The following SSBP3 variants were observed in gnomAD, a reference collection of about 807,000 sequenced individuals.
SSBP3 encodes the protein single stranded DNA binding protein 3.
In SSBP3, 5 loss-of-function variants were observed where a neutral mutation model predicts 69.6. That is an observed-to-expected ratio of 0.07 (90% confidence interval 0.04 to 0.15). The LOEUF (loss-of-function observed/expected upper bound fraction) is 0.15, where lower values mean the gene tolerates loss of function less well. SSBP3 is among the 10% of genes least tolerant of loss of function. SSBP3 has a pLI of 1.00. For synonymous variants in SSBP3, 196 were observed against 193.4 expected (o/e 1.01, Z -0.11); for missense variants, 312 against 534.0 (o/e 0.58, Z 4.10).
intron 5 of SSBP3, among the ~76,000 whole-genome samples, chr1:54,268,580 G>C (rs3766427): frequency 0.14 from 21,141 of 152,278 alleles, 1,594 homozygotes; most frequent in South Asian, 0.25. Context: ...AACCCCAATT[G>C]CCCACTGAGC....
intron 4 of SSBP3, among the ~76,000 whole-genome samples, chr1:54,350,893 T>G (rs542604102): frequency 1.3e-5 from 2 of 152,228 alleles, no homozygotes; most frequent in South Asian, 4.1e-4. Context: ...TGGAGTGCAG[T>G]GGTGCAATCA....
Position 54,258,839 on chromosome 1 carries a change from G to C in SSBP3, c.367-690C>G, listed in dbSNP as rs956454645. On this transcript the variant is annotated intron_variant, in intron 5 of 17. Transcript: ENST00000610401. This position sits in a 1 kb window ranked among gnomAD's most constrained non-coding sequence, Gnocchi z 4.5. ...AGACTCGCACACCGTGAATTCACCT[G>C]CACTTCAAAGCAGCCCTGTGAGGCG... Among the ~76,000 whole-genome samples the C allele has an allele frequency of 6.6e-6, 1 of 152,212 alleles. No homozygotes were observed. Among genetic ancestry groups the C allele is most frequent in the Non-Finnish European group, 1.5e-5 (1 of 68,038 alleles).
At chr1:54,355,757 G>A (rs995163894) in intron 4 of SSBP3, among the ~76,000 whole-genome samples, 1 of 152,138 alleles carries the variant, frequency 6.6e-6, no homozygotes, top group Non-Finnish European at 1.5e-5. Flanking sequence ...CCCTCTTTAC[G>A]TGAGGTGGTG....
intron 14 of SSBP3, among the ~76,000 whole-genome samples, chr1:54,231,118 A>C (rs764941779): frequency 6.6e-6 from 1 of 152,252 alleles, no homozygotes; most frequent in Non-Finnish European, 1.5e-5. Context: ...AGGAAACGTC[A>C]AACTGTTTAA....
At chr1:54,287,586 G>A (rs772459848) in intron 4 of SSBP3, among the ~76,000 whole-genome samples, 9 of 152,160 alleles carry the variant, frequency 5.9e-5, no homozygotes, top group Non-Finnish European at 1.3e-4. Context: ...AAGGAGGGAG[G>A]GAGGGATGCT....
chr1:54,362,076 C>T (rs1646959923), intron 4 of SSBP3, among the ~76,000 whole-genome samples: 1 of 152,204 alleles, frequency 6.6e-6, no homozygotes, highest in Admixed American at 6.5e-5. Context: ...TCATTCCCAG[C>T]CTGCCATCTT....
At chr1:54,408,378 G>C (rs2100846483), upstream of SSBP3, among the ~76,000 whole-genome samples, 1 of 152,330 alleles carries the variant, frequency 6.6e-6, no homozygotes, top group East Asian at 1.9e-4. Context: ...AAATTGGCCT[G>C]CTCATACCCT....
At chr1:54,243,062 A>G (rs1644669725) in intron 10 of SSBP3, 173 bp downstream of exon 10, 8 of 684,548 alleles carry the variant, frequency 1.2e-5, no homozygotes, top group Non-Finnish European at 2.1e-5. Context: ...GAGGCACTCT[A>G]TGAGGCTGAG....
chr1:54,243,140 A>G, intron 10 of SSBP3, 95 bp downstream of exon 10: 1 of 1,104,154 alleles, frequency 9.1e-7, no homozygotes, highest in Non-Finnish European at 1.4e-6. Context: ...GAGAGGTACC[A>G]GCAATGACCC....
At chr1:54,264,316 A>C (rs565885846) in intron 5 of SSBP3, among the ~76,000 whole-genome samples, 10 of 152,332 alleles carry the variant, frequency 6.6e-5, no homozygotes, top group East Asian at 3.9e-4. Context: ...GAAACAAAAC[A>C]AAACCAAACC....
At chr1:54,397,934 C>G (rs906258228) in intron 4 of SSBP3, among the ~76,000 whole-genome samples, 5 of 152,252 alleles carry the variant, frequency 3.3e-5, no homozygotes. Flanking sequence ...CTTGCGGGGG[C>G]TTCCGTTCAA....
chr1:54,251,624 C>T (rs186829684), exon 9 of SSBP3: 32 of 1,551,588 alleles, frequency 2.1e-5, no homozygotes, highest in East Asian at 7.3e-5. Context: ...ACCTGTGGGC[C>T]GGGACCCATG....
chr1:54,307,299 C>T (rs1278416543), intron 4 of SSBP3, among the ~76,000 whole-genome samples: 1 of 152,170 alleles, frequency 6.6e-6, no homozygotes, highest in Admixed American at 6.5e-5. Flanking sequence ...ACTCCCAAAA[C>T]AGCTCCAGGT....
chr1:54,266,481 C>T (rs951107431), intron 5 of SSBP3, among the ~76,000 whole-genome samples: 7 of 152,210 alleles, frequency 4.6e-5, no homozygotes, highest in Non-Finnish European at 8.8e-5. Flanking sequence ...CCTGATGGCC[C>T]ACAAAGTCTA....
intron 5 of SSBP3, among the ~76,000 whole-genome samples, chr1:54,269,142 T>C (rs2100808566): frequency 6.6e-6 from 1 of 152,252 alleles, no homozygotes; most frequent in Admixed American, 6.5e-5. Flanking sequence ...TCACACAGCC[T>C]TCCTTATTAG....
chr1:54,406,018 G>C lies in SSBP3; in HGVS notation c.-10C>G, dbSNP rs748716195. 4.1e-6 allele frequency: 6 copies of C among 1,465,536 alleles called. No homozygotes were observed. In the Admixed American group the frequency reaches 9.5e-5, roughly 23 times the overall value. 90.8% of individuals were successfully genotyped at this position (1,465,536 alleles called of 1,614,324 possible). On this transcript the variant is annotated 5_prime_UTR_variant, in exon 1 of 18. Transcript: ENST00000610401. ...TGCCTTTGGCAAACATGGTTTGCAGGGAAGAGGGCGCCGAGCCTCGCCGCC... is the reference window on the plus strand; with the variant it reads ...TGCCTTTGGCAAACATGGTTTGCAGCGAAGAGGGCGCCGAGCCTCGCCGCC...
At chr1:54,289,826 T>G (rs1645571922) in intron 4 of SSBP3, among the ~76,000 whole-genome samples, 1 of 151,864 alleles carries the variant, frequency 6.6e-6, no homozygotes, top group South Asian at 2.1e-4. Flanking sequence ...AGGGGGTGGG[T>G]GTGGGGCTTG....
intron 4 of SSBP3, among the ~76,000 whole-genome samples, chr1:54,368,132 T>C (rs879816063): frequency 6.6e-6 from 1 of 151,732 alleles, no homozygotes; most frequent in Non-Finnish European, 1.5e-5. Flanking sequence ...TGAAACCCTG[T>C]CTCTACTAAA....
chr1:54,275,833 C>A (rs1366909908), intron 5 of SSBP3, among the ~76,000 whole-genome samples: 1 of 152,220 alleles, frequency 6.6e-6, no homozygotes, highest in African/African-American at 2.4e-5. Flanking sequence ...ACTTCAGATA[C>A]TTCAAGACAG....
Sources: allele counts gnomAD v4.1 joint callset (sites outside exome capture counted in the v4.1 genomes callset), GRCh38; gene constraint gnomAD v4.1.1; non-coding constraint Gnocchi (gnomAD v3.1); transcripts MANE v1.5; gene names NCBI Gene and HGNC (gene_info 2026-07-23, HGNC 2026-07-21).